JAKMIP1: variants seen among roughly 807,000 people sequenced by gnomAD.
JAKMIP1 encodes the protein janus kinase and microtubule-interacting protein 1.
In JAKMIP1, 33 loss-of-function variants were observed where a neutral mutation model predicts 113.0. The ratio of observed to expected loss-of-function variants is 0.29; its 90% CI spans 0.22 to 0.39. The LOEUF is 0.39. Ranked by LOEUF, JAKMIP1 falls within the 10% of genes least tolerant of loss-of-function variation. JAKMIP1 has a pLI of 1.00. For synonymous variants in JAKMIP1, 480 were observed against 459.9 expected (o/e 1.04, Z -0.56); for missense variants, 813 against 1,080.5 (o/e 0.75, Z 3.47).
intron 17 of JAKMIP1, among the ~76,000 whole-genome samples, chr4:6,041,340 G>A (rs181019892): frequency 6.6e-6 from 1 of 152,326 alleles, no homozygotes; most frequent in African/African-American, 2.4e-5. Flanking sequence ...AGATGCCACA[G>A]TTCAGTGATG....
At chr4:6,047,409 T>C (rs1715133650) in intron 16 of JAKMIP1, among the ~76,000 whole-genome samples, 1 of 152,250 alleles carries the variant, frequency 6.6e-6, no homozygotes, top group Non-Finnish European at 1.5e-5. Context: ...AGGGTTTTGC[T>C]GCTGGAAAGG....
chr4:6,152,362 C>A (rs904224868), intron 1 of JAKMIP1, among the ~76,000 whole-genome samples: 2 of 152,140 alleles, frequency 1.3e-5, no homozygotes, highest in South Asian at 2.1e-4. Flanking sequence ...ATTACCTAAG[C>A]CTGTAGCCCC....
In JAKMIP1 at chr4:6,093,837, C is replaced by T. The variant is rs1168407818; in HGVS notation, c.625-8208G>A. Among the ~76,000 whole-genome samples the T allele has an allele frequency of 1.3e-5, 2 of 152,062 alleles. No individual in the cohort carries two copies. On this transcript the variant is annotated intron_variant, in intron 3 of 20. Transcript: ENST00000409021. This position sits in a 1 kb window ranked among gnomAD's most constrained non-coding sequence, Gnocchi z 4.6. The stretch of plus-strand genomic sequence containing the variant: ...GAGTCGGTGGGGAACAAGTCCTGGC[C>T]CAGTGCCTCTGCCCACCACCACTCA...
intron 8 of JAKMIP1, among the ~76,000 whole-genome samples, 193 bp downstream of exon 8, chr4:6,078,746 T>C (rs992421352): frequency 2.0e-5 from 3 of 152,178 alleles, no homozygotes; most frequent in African/African-American, 7.2e-5. Flanking sequence ...TTACAATAAC[T>C]GGGTCACATG....
At chr4:6,126,262 CACAA>C (rs1308686695) in intron 1 of JAKMIP1, among the ~76,000 whole-genome samples, 5 of 144,766 alleles carry the variant, frequency 3.5e-5, no homozygotes, top group African/African-American at 7.7e-5. Flanking sequence ...CACACACACA[CACAA>C]ACACACACAC....
At position 6,138,289 on chromosome 4, in the gene JAKMIP1, C is replaced by T. The variant is rs1052104400; in HGVS notation, c.-147-25292G>A. Reference sequence around the variant, plus strand: ...TTGAGACAGAGTCTCACTCTGTCACCCAGGCTGGAGTGCAGTGGTGCAATA... The same window carrying T: ...TTGAGACAGAGTCTCACTCTGTCACTCAGGCTGGAGTGCAGTGGTGCAATA... On this transcript the variant is annotated intron_variant, in intron 1 of 20. Transcript: ENST00000409021. This position sits in a 1 kb window ranked among gnomAD's most constrained non-coding sequence, Gnocchi z 6.0. 2.0e-4 allele frequency among the ~76,000 whole-genome samples: 31 copies of T among 151,896 alleles called. No individual in the cohort carries two copies. Among genetic ancestry groups the T allele is most frequent in the Non-Finnish European group, 4.1e-4 (28 of 67,976 alleles).
intron 16 of JAKMIP1, among the ~76,000 whole-genome samples, chr4:6,047,547 G>C (rs1715153236): frequency 6.6e-6 from 1 of 152,244 alleles, no homozygotes; most frequent in African/African-American, 2.4e-5. Flanking sequence ...GCCAGGTTTA[G>C]TGATGATAGG....
chr4:6,054,558 ACCCACCCAGACAGAGG>A (rs1254909703), intron 12 of JAKMIP1, among the ~76,000 whole-genome samples: 3 of 152,132 alleles, frequency 2.0e-5, no homozygotes, highest in Non-Finnish European at 4.4e-5. Context: ...ACCAGATTCA[ACCCACCCAGACAGAGG>A]CCCAGCCAGC....
At position 6,186,217 on chromosome 4, in the gene JAKMIP1, G is replaced by A. The variant is rs188939905; in HGVS notation, c.-148+14036C>T. ...GGAGCTTGCCAGGGGCAGGTCAGGC[G>A]GATGGGCAGGATGCAGACTGAGGAG... On this transcript the variant is annotated intron_variant, in intron 1 of 20. Coordinates refer to ENST00000409021, the MANE Select transcript of JAKMIP1 (RefSeq NM_001099433.2). This position sits in a 1 kb window ranked among gnomAD's most constrained non-coding sequence, Gnocchi z 5.5. 3.3e-3 allele frequency among the ~76,000 whole-genome samples: 507 copies of A among 152,342 alleles called. 2 individuals carry two copies. Among genetic ancestry groups the A allele is most frequent in the African/African-American group, 0.01 (436 of 41,578 alleles).
rs35255967 is a variant in JAKMIP1 at position 6,140,250 on chromosome 4, C to CT, written c.-147-27254dup. On this transcript the variant is annotated intron_variant, in intron 1 of 20. Transcript: ENST00000409021. The surrounding 1 kb of genome is among the most constrained non-coding windows in gnomAD (Gnocchi z 9.4). The stretch of plus-strand genomic sequence containing the variant: ...CTGCTCCCTATTTTTCTTTTTTCCT[C>CT]TTTTTTTTTTTTTTTTCTGTGGGGA... Among the ~76,000 whole-genome samples the CT allele has an allele frequency of 0.029, 4,129 of 140,138 alleles. 80 individuals carry two copies. The highest frequency in any genetic ancestry group is 0.073 in the South Asian group (321 of 4,390). The allele number at this position is 140,138 out of a possible 152,430, so 91.9% of individuals were successfully genotyped here.
At chr4:6,085,280 A>G in intron 4 of JAKMIP1, 140 bp downstream of exon 4, 2 of 815,440 alleles carry the variant, frequency 2.5e-6, no homozygotes, top group Non-Finnish European at 3.8e-6. Context: ...CAAAGAACTT[A>G]TAACATCCCC....
chr4:6,034,756 G>A (rs1713184445), intron 19 of JAKMIP1, among the ~76,000 whole-genome samples: 2 of 152,118 alleles, frequency 1.3e-5, no homozygotes, highest in South Asian at 2.1e-4. Flanking sequence ...AGCTGAGATC[G>A]TCCCACTACA....
rs1043857516 is a variant in JAKMIP1 at position 6,178,295 on chromosome 4, G to A, written c.-148+21958C>T. ...TTACCCTACGATATGGTTTGGCTGT[G>A]TCCCCACCCAAATCTCCTCTTGAAT... On this transcript the variant is annotated intron_variant, in intron 1 of 20. Transcript: ENST00000409021. The surrounding 1 kb of genome is among the most constrained non-coding windows in gnomAD (Gnocchi z 5.5). Among the ~76,000 whole-genome samples, 1 of 152,190 alleles carries A rather than the reference G, an allele frequency of 6.6e-6. No homozygotes were observed. Among genetic ancestry groups the A allele is most frequent in the African/African-American group, 2.4e-5 (1 of 41,448 alleles).
At chr4:6,082,752 T>C (rs905130996) in intron 5 of JAKMIP1, among the ~76,000 whole-genome samples, 3 of 152,120 alleles carry the variant, frequency 2.0e-5, no homozygotes, top group Admixed American at 6.5e-5. Context: ...TCTTCCCACG[T>C]TGGCTTCCCA....
At position 6,056,935 on chromosome 4, in the gene JAKMIP1, C is replaced by T. The variant is rs192459979; in HGVS notation, c.1645-176G>A. 1.4e-3 allele frequency among the ~76,000 whole-genome samples: 214 copies of T among 152,272 alleles called. 2 individuals are homozygous for T. The highest frequency in any genetic ancestry group is 4.8e-3 in the African/African-American group (198 of 41,552). ...CACTTTTAAACCCCAAAAAGAGAAA[C>T]GGCTGGTTTGTGGGGCATCCCTTCT... On this transcript the variant is annotated intron_variant, in intron 11 of 20. Coordinates refer to ENST00000409021, the MANE Select transcript of JAKMIP1 (RefSeq NM_001099433.2).
At chr4:6,121,674 G>A (rs1716739977) in intron 1 of JAKMIP1, among the ~76,000 whole-genome samples, 1 of 152,254 alleles carries the variant, frequency 6.6e-6, no homozygotes, top group Non-Finnish European at 1.5e-5. Flanking sequence ...ATCTACTCCA[G>A]TGATCGCAGC....
At chr4:6,043,805 TC>T (rs1714655459) in intron 16 of JAKMIP1, among the ~76,000 whole-genome samples, 1 of 147,948 alleles carries the variant, frequency 6.8e-6, no homozygotes, top group African/African-American at 2.5e-5. Context: ...TCATGGAACA[TC>T]CCTGTTCTGC....
intron 1 of JAKMIP1, among the ~76,000 whole-genome samples, chr4:6,127,286 C>G (rs1272806297): frequency 1.3e-5 from 2 of 152,176 alleles, no homozygotes; most frequent in Non-Finnish European, 2.9e-5. Context: ...GCTGTTCCCC[C>G]AATTTAGAGA....
intron 1 of JAKMIP1, among the ~76,000 whole-genome samples, chr4:6,163,700 T>C (rs1200232309): frequency 6.6e-6 from 1 of 152,204 alleles, no homozygotes; most frequent in African/African-American, 2.4e-5. Context: ...GTTAGCCAAG[T>C]TGTGAATGCA....
Sources: allele counts gnomAD v4.1 joint callset (sites outside exome capture counted in the v4.1 genomes callset), GRCh38; gene constraint gnomAD v4.1.1; non-coding constraint Gnocchi (gnomAD v3.1); transcripts MANE v1.5; gene names NCBI Gene and HGNC (gene_info 2026-07-23, HGNC 2026-07-21).